The following SLC9A9 variants were observed in gnomAD, a reference collection of about 807,000 sequenced individuals.
SLC9A9 encodes sodium/hydrogen exchanger 9.
Under a neutral mutation model 77.8 loss-of-function variants are expected in SLC9A9, and 62 were observed. That is an observed-to-expected ratio of 0.80 (90% CI 0.65 to 0.98). The LOEUF (loss-of-function observed/expected upper bound fraction) is 0.98, where lower values mean the gene tolerates loss of function less well. SLC9A9 is among the 50% of genes least tolerant of loss of function. SLC9A9 has a pLI of 0.00. For synonymous variants in SLC9A9, 320 were observed against 283.5 expected, an observed-to-expected ratio of 1.13 and a Z score of -1.29; for missense variants, 775 against 774.9, an observed-to-expected ratio of 1.00 and a Z score of 0.00.
chr3:143,756,437 T>G (rs530346649), intron 4 of SLC9A9, among the ~76,000 whole-genome samples: 1 of 152,314 alleles, frequency 6.6e-6, no homozygotes, highest in East Asian at 1.9e-4. Context: ...CTAAAAAGCA[T>G]CTATGCCCCA....
chr3:143,360,686 A>G lies in SLC9A9; in HGVS notation c.1604+2798T>C, dbSNP rs184910332. On this transcript the variant is annotated intron_variant, in intron 14 of 15. Coordinates refer to ENST00000316549, the MANE Select transcript of SLC9A9 (RefSeq NM_173653.4). ...ACTTATGCTATGAAAAAGAAAAAAC[A>G]AAACTATGTGAGTGACTGGTTTTAT... Among the ~76,000 whole-genome samples the G allele has an allele frequency of 1.3e-3, 202 of 152,376 alleles. 1 individual carries two copies. The highest frequency in any genetic ancestry group is 4.6e-3 in the African/African-American group (190 of 41,594).
At chr3:143,701,069 C>T (rs181971908) in intron 4 of SLC9A9, among the ~76,000 whole-genome samples, 19 of 152,350 alleles carry the variant, frequency 1.2e-4, no homozygotes, top group Non-Finnish European at 2.5e-4. Context: ...AGTACCTCTT[C>T]GAGTCTGCAA....
At chr3:143,625,482 T>A (rs2038305511) in intron 6 of SLC9A9, among the ~76,000 whole-genome samples, 1 of 152,198 alleles carries the variant, frequency 6.6e-6, no homozygotes, top group Non-Finnish European at 1.5e-5. Context: ...CCATCTGATC[T>A]TTGACAAACC....
intron 14 of SLC9A9, among the ~76,000 whole-genome samples, chr3:143,346,160 C>T (rs1373231371): frequency 6.6e-6 from 1 of 152,068 alleles, no homozygotes; most frequent in African/African-American, 2.4e-5. Context: ...TAGATTTCTC[C>T]CAATATGCCA....
intron 12 of SLC9A9, among the ~76,000 whole-genome samples, chr3:143,442,954 C>A (rs2034773406): frequency 6.6e-6 from 1 of 152,138 alleles, no homozygotes; most frequent in Non-Finnish European, 1.5e-5. Flanking sequence ...GAAGAATGTT[C>A]TCTGAGGTTA....
Position 143,636,493 on chromosome 3 carries a change from TA to T in SLC9A9, c.755+15761del, listed in dbSNP as rs577717855. ...AAATTTTTTAATATTTTTATAGATTTAGGGGGTACAGGGGCAGATTTATTAC... is the reference window on the plus strand; with the variant it reads ...AAATTTTTTAATATTTTTATAGATTTGGGGGTACAGGGGCAGATTTATTAC... On this transcript the variant is annotated intron_variant, in intron 6 of 15. Transcript: ENST00000316549. Among the ~76,000 whole-genome samples, 285 of 152,332 alleles carry T rather than the reference TA, an allele frequency of 1.9e-3. 2 individuals are homozygous for T. Among genetic ancestry groups the T allele is most frequent in the African/African-American group, 6.6e-3 (276 of 41,588 alleles).
chr3:143,646,016 T>C (rs1242079), intron 6 of SLC9A9, among the ~76,000 whole-genome samples: 102,523 of 151,798 alleles, frequency 0.68, 34,795 homozygotes, highest in African/African-American at 0.73. Context: ...AGCCAACATC[T>C]TCTTTCTCTT....
At chr3:143,517,987 T>C in intron 9 of SLC9A9, 2 of 1,433,784 alleles carry the variant, frequency 1.4e-6, no homozygotes, top group Admixed American at 1.7e-5. Flanking sequence ...TATCAATTTC[T>C]AGATCACTTT....
chr3:143,780,132 C>T (rs538889324), intron 4 of SLC9A9, among the ~76,000 whole-genome samples: 1 of 152,310 alleles, frequency 6.6e-6, no homozygotes, highest in African/African-American at 2.4e-5. Context: ...GTAACACCTT[C>T]ACAATCATGT....
intron 6 of SLC9A9, among the ~76,000 whole-genome samples, chr3:143,589,668 A>C (rs1043959113): frequency 1.3e-5 from 2 of 152,224 alleles, no homozygotes; most frequent in African/African-American, 4.8e-5. Context: ...ATTTCTTAGA[A>C]TATATCCCTG....
chr3:143,506,336 A>C (rs1458049107), intron 9 of SLC9A9, among the ~76,000 whole-genome samples: 1 of 152,204 alleles, frequency 6.6e-6, no homozygotes, highest in Non-Finnish European at 1.5e-5. Flanking sequence ...CAGAAACCAC[A>C]CTACTTCCTA....
At chr3:143,652,113 G>T (rs2108748534) in intron 6 of SLC9A9, 142 bp downstream of exon 6, 3 of 682,210 alleles carry the variant, frequency 4.4e-6, no homozygotes, top group African/African-American at 1.8e-5. Context: ...AATGAATTGT[G>T]CCCATTATGG....
At chr3:143,574,797 C>T (rs2037328172) in intron 7 of SLC9A9, among the ~76,000 whole-genome samples, 2 of 152,086 alleles carry the variant, frequency 1.3e-5, no homozygotes, top group Admixed American at 6.6e-5. Flanking sequence ...ACAAGGATGA[C>T]ACTTGGTCAA....
intron 12 of SLC9A9, among the ~76,000 whole-genome samples, chr3:143,390,464 G>A (rs2033532495): frequency 6.6e-6 from 1 of 152,146 alleles, no homozygotes; most frequent in Admixed American, 6.5e-5. Context: ...ACATGTAAGG[G>A]GTGAATTGTT....
intron 6 of SLC9A9, 123 bp from the exon 7 acceptor site, chr3:143,578,846 A>G (rs904932945): frequency 2.7e-6 from 3 of 1,130,860 alleles, no homozygotes; most frequent in Non-Finnish European, 4.0e-6. Flanking sequence ...TGGAAGAGTT[A>G]GGGGAAAACA....
intron 6 of SLC9A9, among the ~76,000 whole-genome samples, chr3:143,634,845 T>C (rs983834323): frequency 6.6e-6 from 1 of 152,196 alleles, no homozygotes; most frequent in African/African-American, 2.4e-5. Flanking sequence ...TGAATATATA[T>C]TACTCCCTCC....
rs538419651 is a variant in SLC9A9, at chr3:143,355,571, C to T, written c.1604+7913G>A. Among the ~76,000 whole-genome samples the T allele has an allele frequency of 2.7e-4, 41 of 152,310 alleles. 1 individual carries two copies. The South Asian group carries it at 7.7e-3, about 28-fold the overall frequency. On this transcript the variant is annotated intron_variant, in intron 14 of 15. Coordinates refer to ENST00000316549, the MANE Select transcript of SLC9A9 (RefSeq NM_173653.4). ...GCTTCTGGCCACAGACCAAGACTTG[C>T]TTCCGTTTGATAAAAACCAACAGTG...
chr3:143,805,570 G>T (rs895021874), intron 2 of SLC9A9, among the ~76,000 whole-genome samples: 10 of 152,140 alleles, frequency 6.6e-5, no homozygotes, highest in African/African-American at 2.4e-4. Flanking sequence ...AATCACAAAA[G>T]AAGTGAAAAT....
chr3:143,620,181 T>G (rs1044074851), intron 6 of SLC9A9, among the ~76,000 whole-genome samples: 2 of 152,298 alleles, frequency 1.3e-5, no homozygotes, highest in African/African-American at 4.8e-5. Context: ...ATGTAATTCA[T>G]TTACCTCACT....
Sources: allele counts gnomAD v4.1 joint callset (sites outside exome capture counted in the v4.1 genomes callset), GRCh38; gene constraint gnomAD v4.1.1; transcripts MANE v1.5; gene names NCBI Gene and HGNC (gene_info 2026-07-23, HGNC 2026-07-21).